CACNB2: variants seen among roughly 807,000 people sequenced by gnomAD.
CACNB2 encodes calcium voltage-gated channel auxiliary subunit beta 2.
A neutral mutation model predicts 73.3 loss-of-function variants in CACNB2; 42 were observed. The ratio of observed to expected loss-of-function variants is 0.57; its 90% CI spans 0.45 to 0.74. CACNB2 has a LOEUF of 0.74. Ranked by LOEUF, CACNB2 falls within the 30% of genes least tolerant of loss-of-function variation. The probability of loss-of-function intolerance (pLI) is 0.00; values close to 1 mark genes in which losing one functional copy is unlikely to be tolerated. For synonymous variants in CACNB2, 348 were observed against 310.3 expected (o/e 1.12, Z -1.28); for missense variants, 940 against 853.0 (o/e 1.10, Z -1.27).
At chr10:18,236,588 A>G (rs928933662) in intron 2 of CACNB2, among the ~76,000 whole-genome samples, 2 of 152,246 alleles carry the variant, frequency 1.3e-5, no homozygotes, top group Non-Finnish European at 2.9e-5. Flanking sequence ...AAGTGGAGAA[A>G]GAGAATGAAA....
chr10:18,247,018 T>G (rs2036890561), intron 2 of CACNB2, among the ~76,000 whole-genome samples: 2 of 152,206 alleles, frequency 1.3e-5, no homozygotes, highest in Admixed American at 6.5e-5. Context: ...GTAGGTAAGA[T>G]GCAGCCTCGC....
chr10:18,527,078 C>T (rs4748481), intron 9 of CACNB2, among the ~76,000 whole-genome samples: 42,795 of 152,060 alleles, frequency 0.28, 6,330 homozygotes, highest in Admixed American at 0.34. Flanking sequence ...GTAAGTGCAA[C>T]GTAAGGCAGG....
intron 3 of CACNB2, among the ~76,000 whole-genome samples, chr10:18,419,866 C>T (rs2045223385): frequency 6.6e-6 from 1 of 152,122 alleles, no homozygotes. Flanking sequence ...TTGTTATTTT[C>T]CTATGTTAAT....
chr10:18,278,209 G>A (rs530266165), intron 2 of CACNB2, among the ~76,000 whole-genome samples: 2 of 152,194 alleles, frequency 1.3e-5, no homozygotes, highest in South Asian at 4.1e-4. Context: ...GCTGGGCACA[G>A]TGTCCCACAC....
intron 2 of CACNB2, among the ~76,000 whole-genome samples, chr10:18,345,923 G>C (rs1222349961): frequency 6.6e-6 from 1 of 152,192 alleles, no homozygotes; most frequent in Non-Finnish European, 1.5e-5. Context: ...TCTGACCGAA[G>C]CACGCTTAGT....
chr10:18,218,662 G>T (rs904027819), intron 2 of CACNB2, among the ~76,000 whole-genome samples: 4 of 151,706 alleles, frequency 2.6e-5, no homozygotes, highest in African/African-American at 7.3e-5. Context: ...GAGGTCAGGA[G>T]ATTGAGACCA....
At chr10:18,483,632 C>A (rs540669152) in intron 3 of CACNB2, among the ~76,000 whole-genome samples, 16 of 152,036 alleles carry the variant, frequency 1.1e-4, no homozygotes, top group African/African-American at 3.1e-4. Context: ...GATCGCTAGA[C>A]CTCTGTGAAC....
chr10:18,339,549 C>T (rs1458491134), intron 2 of CACNB2, among the ~76,000 whole-genome samples: 1 of 152,068 alleles, frequency 6.6e-6, no homozygotes, highest in African/African-American at 2.4e-5. Flanking sequence ...ATTCTCCCAC[C>T]AACAGTATGT....
At chr10:18,211,816 A>T (rs1376479301) in intron 2 of CACNB2, among the ~76,000 whole-genome samples, 8 of 152,134 alleles carry the variant, frequency 5.3e-5, no homozygotes. Context: ...AATGCGACAC[A>T]ATTCACTTAT....
At chr10:18,409,993 G>A (rs2044526975) in intron 3 of CACNB2, among the ~76,000 whole-genome samples, 1 of 152,066 alleles carries the variant, frequency 6.6e-6, no homozygotes, top group Non-Finnish European at 1.5e-5. Flanking sequence ...GGAAGTGAGG[G>A]GAGAGAGAAA....
At chr10:18,436,976 C>T (rs1218221142) in intron 3 of CACNB2, among the ~76,000 whole-genome samples, 1 of 152,164 alleles carries the variant, frequency 6.6e-6, no homozygotes, top group African/African-American at 2.4e-5. Context: ...CAACAATGTG[C>T]TGCTTGCTGG....
intron 2 of CACNB2, among the ~76,000 whole-genome samples, chr10:18,202,438 A>G (rs2034921293): frequency 6.6e-6 from 1 of 152,208 alleles, no homozygotes; most frequent in Admixed American, 6.5e-5. Flanking sequence ...ATAGGGACCA[A>G]ACCATGGGAT....
intron 6 of CACNB2, 25 bp from the exon 7 acceptor site, chr10:18,514,211 T>G: frequency 1.2e-6 from 2 of 1,613,308 alleles, no homozygotes; most frequent in South Asian, 2.2e-5. Context: ...CCTGTCCACC[T>G]GATTTTTGAA....
chr10:18,341,750 T>C (rs919777493), intron 2 of CACNB2, among the ~76,000 whole-genome samples: 2 of 152,212 alleles, frequency 1.3e-5, no homozygotes, highest in Non-Finnish European at 2.9e-5. Flanking sequence ...TTTCTAATTG[T>C]TCCAACCTAT....
At position 18,314,160 on chromosome 10, in the gene CACNB2, T is replaced by C. The variant is rs143281023; in HGVS notation, c.214-87764T>C. On this transcript the variant is annotated intron_variant, in intron 2 of 13. Coordinates refer to ENST00000324631, the MANE Select transcript of CACNB2 (RefSeq NM_201596.3). ...CTTGGAAACTCTATAATTATCATAC[T>C]AAATTCCCGATATTGTGGTTAATAG... 2.4e-4 allele frequency among the ~76,000 whole-genome samples: 37 copies of C among 152,332 alleles called. No homozygotes were observed. In the East Asian group the frequency reaches 3.7e-3, roughly 15 times the overall value.
chr10:18,498,254 T>A (rs772540231), intron 3 of CACNB2, 101 bp from the exon 4 acceptor site: 1 of 1,411,106 alleles, frequency 7.1e-7, no homozygotes, highest in Non-Finnish European at 9.9e-7. Flanking sequence ...AAACCAACAA[T>A]GATTACAGTA....
chr10:18,315,514 A>C (rs1357799365), intron 2 of CACNB2, among the ~76,000 whole-genome samples: 8 of 132,400 alleles, frequency 6.0e-5, no homozygotes, highest in East Asian at 3.9e-4. Context: ...AAAAAAAAAA[A>C]AAAAAAAAAA....
At chr10:18,400,993 G>C (rs201189633) in intron 2 of CACNB2, 12 of 1,613,750 alleles carry the variant, frequency 7.4e-6, no homozygotes, top group East Asian at 2.2e-5. Flanking sequence ...ACCTGTGCCC[G>C]GGGCTGCAGC....
Position 18,317,780 on chromosome 10 carries a change from C to G in CACNB2, c.214-84144C>G, listed in dbSNP as rs573909107. The stretch of plus-strand genomic sequence containing the variant: ...TGAAAATTTCTGACATTTATTTATT[C>G]ATTTATTCCATACATATTTATTGAG... On this transcript the variant is annotated intron_variant, in intron 2 of 13. Coordinates refer to ENST00000324631, the MANE Select transcript of CACNB2 (RefSeq NM_201596.3). 2.8e-4 allele frequency among the ~76,000 whole-genome samples: 42 copies of G among 152,214 alleles called. No individual in the cohort carries two copies. In the South Asian group the frequency reaches 8.3e-3, roughly 30 times the overall value.
Sources: gnomAD v4.1 joint callset for allele counts (sites outside exome capture counted in the v4.1 genomes callset) on GRCh38, gnomAD v4.1.1 for gene constraint, MANE v1.5 for transcripts, NCBI Gene and HGNC (gene_info 2026-07-23, HGNC 2026-07-21) for gene names.